The following HRG variants were observed in gnomAD, a reference collection of about 807,000 sequenced individuals.
HRG encodes histidine-rich glycoprotein.
Under a neutral mutation model 29.5 loss-of-function variants are expected in HRG, and 26 were observed. The ratio of observed to expected loss-of-function variants is 0.88; its 90% CI spans 0.65 to 1.22. The LOEUF is 1.22. Among genes scored for constraint, HRG ranks in the 50% most tolerant of loss-of-function variants. The pLI is 0.00. For synonymous variants in HRG, 243 were observed against 240.4 expected, an observed-to-expected ratio of 1.01 and a Z score of -0.10; for missense variants, 671 against 654.5, an observed-to-expected ratio of 1.03 and a Z score of -0.28.
chr3:186,671,192 A>G (rs1340414333), intron 3 of HRG, among the ~76,000 whole-genome samples: 3 of 146,908 alleles, frequency 2.0e-5, no homozygotes, highest in Non-Finnish European at 4.5e-5. Flanking sequence ...CATCTCTATT[A>G]TTTAATATAT....
In HRG at chr3:186,677,820, AG is replaced by A. The variant is rs749360035; in HGVS notation, c.1518del (p.Lys507SerfsTer22). The A allele has an allele frequency of 1.9e-6, 3 of 1,614,226 alleles. No individual in the cohort carries two copies. Among genetic ancestry groups the A allele is most frequent in the Non-Finnish European group, 1.7e-6 (2 of 1,179,998 alleles). The stretch of plus-strand genomic sequence containing the variant: ...CTCAATCAGTCTCTGAATCATGTCC[AG>A]GGAAGTTCAAGAGTGGGTTTCCACA... ...FPQSVSESCPGKFKSGFPQVS... is the reference protein window; with the variant it reads ...FPQSVSESCPXKFKSGFPQVS... On this transcript the variant is annotated frameshift_variant, in exon 7 of 7. Transcript: ENST00000232003. LOFTEE classifies it low-confidence loss of function (END_TRUNC).
In HRG at chr3:186,667,754, G is replaced by A. The variant is rs147904913; in HGVS notation, c.184-1181G>A. On this transcript the variant is annotated intron_variant, in intron 1 of 6. Coordinates refer to ENST00000232003, the MANE Select transcript of HRG (RefSeq NM_000412.5). ...AGGGAGCCATTGAATATAAGCAGGTGGGTTCCAGAAGTTCCATGTGGGCTC... is the reference window on the plus strand; with the variant it reads ...AGGGAGCCATTGAATATAAGCAGGTAGGTTCCAGAAGTTCCATGTGGGCTC... Among the ~76,000 whole-genome samples, 938 of 152,154 alleles carry A rather than the reference G, an allele frequency of 6.2e-3. 7 individuals are homozygous for A. The highest frequency in any genetic ancestry group is 5.8e-3 in the Admixed American group (88 of 15,272).
chr3:186,671,633 A>T lies in HRG; in HGVS notation c.402A>T (p.Ala134=). 6.2e-7 allele frequency: 1 copy of T among 1,613,992 alleles called. No individual in the cohort carries two copies. The highest frequency in any genetic ancestry group is 8.5e-7 in the Non-Finnish European group (1 of 1,179,868). ...ATCTTCTTTCTCCAGTCTCTTCAGCACTGGCCAATACCAAAGATAGTCCGG... is the reference window on the plus strand; with the variant it reads ...ATCTTCTTTCTCCAGTCTCTTCAGCTCTGGCCAATACCAAAGATAGTCCGG... ...FNCTTSSVSS[A]LANTKDSPVL... Residue 134 remains alanine (A), a synonymous_variant, in exon 4 of 7, where the codon GCA becomes GCT. Transcript: ENST00000232003.
intron 1 of HRG, among the ~76,000 whole-genome samples, chr3:186,667,526 C>T (rs192606674): frequency 6.7e-4 from 102 of 151,950 alleles, no homozygotes; most frequent in Admixed American, 2.8e-3. Flanking sequence ...GTTCTGAGCC[C>T]CAACAATAGC....
Position 186,671,786 on chromosome 3 carries a change from A to C in HRG, c.555A>C (p.Arg185Ser). The C allele has an allele frequency of 1.9e-6, 3 of 1,613,702 alleles. No individual in the cohort carries two copies. The highest frequency in any genetic ancestry group is 2.5e-6 in the Non-Finnish European group (3 of 1,179,724). ...TGGACCGAATCGAGAGAGTTGCAAG[A>C]GTGGTGAGTCTCCACTAAGGTTCGG... ...FRVDRIERVA[R>S]VRGGEGTGYF... Residue 185 changes from arginine to serine, a missense_variant, in exon 4 of 7, where the codon AGA (arginine) becomes AGC (serine). Physicochemically the swap from Arg to Ser is moderately radical, Grantham distance 110. Coordinates refer to ENST00000232003, the MANE Select transcript of HRG (RefSeq NM_000412.5).
chr3:186,671,396 A>C (rs1302333416), intron 3 of HRG, among the ~76,000 whole-genome samples: 3 of 151,666 alleles, frequency 2.0e-5, no homozygotes, highest in East Asian at 3.8e-4. Context: ...TGGTGAAGGC[A>C]TCATGAGTAG....
rs1248760090 is a variant in HRG, at chr3:186,675,120, A to G, written c.671A>G (p.Tyr224Cys). 1.9e-6 allele frequency: 3 copies of G among 1,613,730 alleles called. No individual in the cohort carries two copies. Among genetic ancestry groups the G allele is most frequent in the Non-Finnish European group, 2.5e-6 (3 of 1,179,664 alleles). ...VFGFCRADLF[Y>C]DVEALDLESP... ...GGATTCTGCAGAGCAGATTTGTTCT[A>G]TGATGTAGAAGCCTTGGACTTGGAA... is the stretch of plus-strand genomic sequence containing the variant. The change falls in exon 6 of 7, where the codon TAT becomes TGT. Residue 224 changes from tyrosine to cysteine, a missense_variant. By Grantham distance (194) the Tyr-to-Cys change is radical (BLOSUM62 -2). Transcript: ENST00000232003.
In HRG at chr3:186,677,927, A is replaced by G. The variant is rs1719061634; in HGVS notation, c.*44A>G. 6.4e-7 allele frequency: 1 copy of G among 1,554,710 alleles called. No individual in the cohort carries two copies. Among genetic ancestry groups the G allele is most frequent in the Non-Finnish European group, 8.9e-7 (1 of 1,127,956 alleles). On this transcript the variant is annotated 3_prime_UTR_variant, in exon 7 of 7. Coordinates refer to ENST00000232003, the MANE Select transcript of HRG (RefSeq NM_000412.5). ...AGGAAAATGAATAATACATTGAATT[A>G]GAAACATAAATAAAATGACCAGTAA... is the stretch of plus-strand genomic sequence containing the variant.
intron 4 of HRG, among the ~76,000 whole-genome samples, 163 bp downstream of exon 4, chr3:186,671,952 C>T (rs1455029679): frequency 7.3e-6 from 1 of 136,950 alleles, no homozygotes; most frequent in African/African-American, 2.7e-5. Flanking sequence ...TTAAAAAATA[C>T]AAAAAAATTG....
chr3:186,670,548 T>C (rs1411725108), intron 3 of HRG, among the ~76,000 whole-genome samples: 3 of 152,194 alleles, frequency 2.0e-5, no homozygotes, highest in Non-Finnish European at 2.9e-5. Context: ...CTTTTTTATT[T>C]ATTTATTTTT....
At chr3:186,668,652 G>T in intron 1 of HRG, 1 of 413,486 alleles carries the variant, frequency 2.4e-6, no homozygotes, top group Non-Finnish European at 4.5e-6. Flanking sequence ...CCAGGCATGC[G>T]TAGGTGATGA....
chr3:186,669,227 C>T (rs555866901), intron 2 of HRG, among the ~76,000 whole-genome samples, 176 bp downstream of exon 2: 1 of 152,182 alleles, frequency 6.6e-6, no homozygotes, highest in Admixed American at 6.5e-5. Context: ...CCTGGGAACC[C>T]AGTTCAAGAC....
intron 4 of HRG, 53 bp downstream of exon 4, chr3:186,671,842 G>A (rs1718808079): frequency 2.6e-6 from 4 of 1,528,542 alleles, no homozygotes; most frequent in Non-Finnish European, 3.6e-6. Flanking sequence ...CTCCAACCTG[G>A]CAGCAGGAAC....
intron 4 of HRG, among the ~76,000 whole-genome samples, chr3:186,672,535 T>C (rs974634020): frequency 3.3e-5 from 5 of 152,098 alleles, no homozygotes; most frequent in Admixed American, 3.3e-4. Flanking sequence ...GAAGTTGGAG[T>C]GCAGGAGAGG....
chr3:186,674,660 T>C (rs991229629), intron 5 of HRG: 1 of 326,834 alleles, frequency 3.1e-6, no homozygotes, highest in Non-Finnish European at 6.0e-6. Flanking sequence ...CTTTATGCTA[T>C]ACAGATGCCC....
At chr3:186,672,126 A>T (rs1172220393) in intron 4 of HRG, among the ~76,000 whole-genome samples, 1 of 152,110 alleles carries the variant, frequency 6.6e-6, no homozygotes, top group African/African-American at 2.4e-5. Flanking sequence ...ATGATGGAAA[A>T]CTGAAGTTCA....
intron 6 of HRG, among the ~76,000 whole-genome samples, chr3:186,676,528 A>G (rs984337061): frequency 2.0e-5 from 3 of 151,518 alleles, no homozygotes; most frequent in Non-Finnish European, 2.9e-5. Flanking sequence ...TAATCCCAGC[A>G]CTTTGGGAAG....
Position 186,666,126 on chromosome 3 carries a change from A to G in HRG, c.95A>G (p.Glu32Gly), listed in dbSNP as rs1394809653. The change falls in exon 1 of 7, where the codon GAG becomes GGG. Residue 32 changes from glutamate to glycine, a missense_variant. Glu to Gly is a moderately conservative substitution (Grantham distance 98, BLOSUM62 -2). Transcript: ENST00000232003. The stretch of plus-strand genomic sequence containing the variant: ...TGCAGTGCTGTTGAGCCGGAGGCTG[A>G]GAAAGCTCTAGACCTGATCAATAAA... ...TDCSAVEPEA[E>G]KALDLINKRR... 2 of 1,614,222 alleles carry G rather than the reference A, an allele frequency of 1.2e-6. No homozygotes were observed. The highest frequency in any genetic ancestry group is 2.2e-5 in the South Asian group (2 of 91,086).
rs370027832 is a variant in HRG, at chr3:186,677,269, A to T, written c.964A>T (p.Met322Leu). 2 of 1,614,064 alleles carry T rather than the reference A, an allele frequency of 1.2e-6. No homozygotes were observed. Among genetic ancestry groups the T allele is most frequent in the African/African-American group, 1.3e-5 (1 of 74,992 alleles). ...ACAAGGCCCTCCTCCACTATTGCCC[A>T]TGTCCTGCTCAAGTTGTCAACATGC... is the stretch of plus-strand genomic sequence containing the variant. ...LPQGPPPLLPMSCSSCQHATF... is the reference protein window; with the variant it reads ...LPQGPPPLLPLSCSSCQHATF... Residue 322 changes from methionine (M) to leucine (L), a missense_variant, in exon 7 of 7, where the codon ATG becomes TTG. Coordinates refer to ENST00000232003, the MANE Select transcript of HRG (RefSeq NM_000412.5).
Sources: allele counts gnomAD v4.1 joint callset (sites outside exome capture counted in the v4.1 genomes callset), GRCh38; gene constraint gnomAD v4.1.1; transcripts MANE v1.5; gene names NCBI Gene and HGNC (gene_info 2026-07-23, HGNC 2026-07-21).